SLC38A6: variants seen among roughly 807,000 people sequenced by gnomAD.
The protein encoded by SLC38A6 is N system amino acid transporter NAT-1.
In SLC38A6, 73 loss-of-function variants were observed where a neutral mutation model predicts 65.0. The observed-to-expected ratio is 1.12, with a 90% confidence interval of 0.93 to 1.37. The LOEUF is 1.37. SLC38A6 is among the 40% of genes most tolerant of loss of function. The pLI is 0.00. For missense variants in SLC38A6, 561 were observed against 531.1 expected, an observed-to-expected ratio of 1.06 and a Z score of -0.55; for synonymous variants, 183 against 178.8, an observed-to-expected ratio of 1.02 and a Z score of -0.19.
chr14:61,052,399 A>T lies in SLC38A6; in HGVS notation c.1341A>T (p.Ala447=). ...FGILVGNFSL[A]LIIFDWINK ...TTTTGGTTGGGAATTTTAGTTTAGC[A>T]CTCATCATTTTTGATTGGATTAATA... The change falls in exon 16 of 16, where the codon GCA becomes GCT. Residue 447 remains alanine (A), a synonymous_variant. Transcript: ENST00000267488. The T allele has an allele frequency of 6.3e-7, 1 of 1,583,978 alleles. No homozygotes were observed. Among genetic ancestry groups the T allele is most frequent in the South Asian group, 1.2e-5 (1 of 83,778 alleles).
chr14:61,062,526 T>C (rs2042884502), intron 15 of SLC38A6, among the ~76,000 whole-genome samples: 1 of 152,134 alleles, frequency 6.6e-6, no homozygotes, highest in South Asian at 2.1e-4. Context: ...TGGGTCTTGC[T>C]ATGTTGCCCC....
intron 3 of SLC38A6, among the ~76,000 whole-genome samples, chr14:60,991,711 T>G (rs1435924076): frequency 6.6e-6 from 1 of 152,188 alleles, no homozygotes; most frequent in Non-Finnish European, 1.5e-5. Context: ...TTCTGTGAGG[T>G]CTTTTTATAC....
chr14:61,076,162 C>G, intron 15 of SLC38A6, among the ~76,000 whole-genome samples: 1 of 152,132 alleles, frequency 6.6e-6, no homozygotes, highest in Admixed American at 6.5e-5. Flanking sequence ...GCCTTCAACT[C>G]AACTTCTACT....
intron 3 of SLC38A6, among the ~76,000 whole-genome samples, chr14:60,994,785 C>T (rs2038162787): frequency 6.6e-6 from 1 of 151,264 alleles, no homozygotes; most frequent in African/African-American, 2.4e-5. Context: ...GGGCGGATCA[C>T]CTGAGGTCAG....
rs1290932989 is a variant in SLC38A6, at chr14:61,050,494, T to G, written c.926-18T>G. 48 of 1,470,352 alleles carry G rather than the reference T, an allele frequency of 3.3e-5. No individual in the cohort carries two copies. The highest frequency in any genetic ancestry group is 4.5e-5 in the Non-Finnish European group (48 of 1,074,132). 91.1% of individuals were successfully genotyped at this position (1,470,352 alleles called of 1,614,324 possible). A position where few individuals can be genotyped will look rare whatever the true frequency, so the allele number is the denominator to read the frequency against. ...ACCTTAGTACTTTATAATGTGATCC[T>G]TATTATTTTATTTACAGACAAAGTG... On this transcript the variant is annotated intron_variant, in intron 12 of 15. Coordinates refer to ENST00000267488, the MANE Select transcript of SLC38A6 (RefSeq NM_153811.3).
chr14:60,982,830 A>C (rs780260612), intron 2 of SLC38A6, among the ~76,000 whole-genome samples, 192 bp downstream of exon 2: 3 of 152,210 alleles, frequency 2.0e-5, no homozygotes, highest in Admixed American at 6.5e-5. Flanking sequence ...TTAAATACAC[A>C]GAAGTGTGAC....
chr14:61,066,286 C>T (rs574412808), intron 15 of SLC38A6, among the ~76,000 whole-genome samples: 1 of 152,136 alleles, frequency 6.6e-6, no homozygotes, highest in African/African-American at 2.4e-5. Context: ...TTCTTTATTG[C>T]AATCAGAATC....
At chr14:61,002,225 A>G (rs1455572294) in intron 3 of SLC38A6, 1 of 152,216 alleles carries the variant, frequency 6.6e-6, no homozygotes, top group East Asian at 1.9e-4. Flanking sequence ...AAATCATGCC[A>G]CATTCAGTTG....
intron 5 of SLC38A6, among the ~76,000 whole-genome samples, chr14:61,022,619 A>T (rs767031706): frequency 1.3e-5 from 2 of 152,028 alleles, no homozygotes; most frequent in Admixed American, 1.3e-4. Flanking sequence ...ATCAGATTGA[A>T]TTTTTACACA....
At chr14:61,046,265 A>C in intron 12 of SLC38A6, 98 bp downstream of exon 12, 2 of 746,674 alleles carry the variant, frequency 2.7e-6, no homozygotes, top group South Asian at 4.1e-5. Flanking sequence ...TTACTAAGTT[A>C]ATTTGCTCAG....
intron 6 of SLC38A6, among the ~76,000 whole-genome samples, chr14:61,036,046 C>G (rs527501879): frequency 6.6e-6 from 1 of 151,626 alleles, no homozygotes; most frequent in Non-Finnish European, 1.5e-5. Context: ...GTGATTAATG[C>G]CCTTTCCTGA....
chr14:61,021,344 T>C (rs925131301), intron 5 of SLC38A6, among the ~76,000 whole-genome samples: 2 of 152,188 alleles, frequency 1.3e-5, no homozygotes, highest in Admixed American at 1.3e-4. Context: ...ACATGAAATA[T>C]AAAAAAGACA....
intron 3 of SLC38A6, among the ~76,000 whole-genome samples, chr14:60,995,577 A>T (rs1294276536): frequency 6.6e-6 from 1 of 152,122 alleles, no homozygotes; most frequent in Non-Finnish European, 1.5e-5. Flanking sequence ...TTGCCAAGAG[A>T]GTAGATTTCA....
At position 60,982,627 on chromosome 14, in the gene SLC38A6, C is replaced by T; in HGVS notation, c.225C>T (p.Val75=). ...CTTATGTTTTGGCTAATACCGGTGT[C>T]TTTGGATTTAGGTGAGTCTTCATAT... ...GLAYVLANTG[V]FGFSFLLLTV... The change falls in exon 2 of 16, where the codon GTC becomes GTT. Residue 75 remains valine (V), a synonymous_variant. Coordinates refer to ENST00000267488, the MANE Select transcript of SLC38A6 (RefSeq NM_153811.3). 1 of 1,608,128 alleles carries T rather than the reference C, an allele frequency of 6.2e-7. No individual in the cohort carries two copies. Among genetic ancestry groups the T allele is most frequent in the Non-Finnish European group, 8.5e-7 (1 of 1,178,464 alleles).
intron 5 of SLC38A6, among the ~76,000 whole-genome samples, chr14:61,028,202 G>T (rs964112704): frequency 6.6e-6 from 1 of 151,964 alleles, no homozygotes; most frequent in Non-Finnish European, 1.5e-5. Flanking sequence ...ACAGCTAAAG[G>T]TCCAAAAGAA....
chr14:61,077,102 G>C (rs536311843), intron 15 of SLC38A6, among the ~76,000 whole-genome samples: 4 of 152,256 alleles, frequency 2.6e-5, no homozygotes, highest in African/African-American at 9.6e-5. Context: ...TTTATAAATT[G>C]ATTAAGGATA....
intron 3 of SLC38A6, among the ~76,000 whole-genome samples, chr14:60,988,314 T>C (rs1176483406): frequency 6.6e-6 from 1 of 152,204 alleles, no homozygotes; most frequent in Admixed American, 6.5e-5. Context: ...CATCTACGGC[T>C]CTCCTTACTA....
At chr14:61,063,144 A>C (rs557746796) in intron 15 of SLC38A6, among the ~76,000 whole-genome samples, 2 of 152,260 alleles carry the variant, frequency 1.3e-5, no homozygotes, top group African/African-American at 4.8e-5. Context: ...CAGTGTATTA[A>C]ATTTATATAC....
chr14:60,982,408 T>A, intron 1 of SLC38A6, 100 bp from the exon 2 acceptor site: 1 of 1,495,514 alleles, frequency 6.7e-7, no homozygotes, highest in Non-Finnish European at 9.2e-7. Context: ...CCCTGGTGGT[T>A]TGCAGCTTTT....
Sources: allele counts gnomAD v4.1 joint callset (sites outside exome capture counted in the v4.1 genomes callset), GRCh38; gene constraint gnomAD v4.1.1; transcripts MANE v1.5; gene names NCBI Gene and HGNC (gene_info 2026-07-23, HGNC 2026-07-21).